Variants in PRKG1 observed in about 807,000 individuals in gnomAD.
PRKG1 encodes cGMP-dependent protein kinase 1.
A neutral mutation model predicts 88.1 loss-of-function variants in PRKG1; 35 were observed. The observed-to-expected ratio is 0.40, with a 90% CI of 0.30 to 0.53. The LOEUF is 0.53. PRKG1 is among the 20% of genes least tolerant of loss of function. The pLI is 0.59. For synonymous variants in PRKG1, 303 were observed against 292.5 expected, an observed-to-expected ratio of 1.04 and a Z score of -0.37; for missense variants, 540 against 839.8, an observed-to-expected ratio of 0.64 and a Z score of 4.41.
intron 9 of PRKG1, among the ~76,000 whole-genome samples, chr10:52,202,120 CT>C (rs780898410): frequency 3.3e-5 from 5 of 151,868 alleles, no homozygotes; most frequent in Non-Finnish European, 5.9e-5. Flanking sequence ...GAATTAGCAT[CT>C]TTGTCTTGTT....
chr10:51,956,139 G>T (rs971796363), intron 5 of PRKG1, among the ~76,000 whole-genome samples: 18 of 152,108 alleles, frequency 1.2e-4, no homozygotes, highest in African/African-American at 4.3e-4. Flanking sequence ...GAACTACAGT[G>T]GCTTCCTGTT....
chr10:51,557,051 C>A (rs576555694), intron 3 of PRKG1, among the ~76,000 whole-genome samples: 1 of 151,954 alleles, frequency 6.6e-6, no homozygotes, highest in Non-Finnish European at 1.5e-5. Flanking sequence ...ATGATACCAC[C>A]CGCTTCTCCC....
intron 1 of PRKG1, among the ~76,000 whole-genome samples, 188 bp from the exon 2 acceptor site, chr10:51,152,976 C>CTTTTTTTTTT (rs1283273580): frequency 3.5e-5 from 4 of 112,696 alleles, no homozygotes; most frequent in Non-Finnish European, 3.6e-5. Context: ...TTCTTAGTGC[C>CTTTTTTTTTT]TTTTTTTTTT....
intron 5 of PRKG1, among the ~76,000 whole-genome samples, chr10:51,975,191 A>T (rs182911904): frequency 6.6e-6 from 1 of 152,266 alleles, no homozygotes; most frequent in African/African-American, 2.4e-5. Flanking sequence ...TTATAGTTAA[A>T]TAGGTTCAGA....
intron 3 of PRKG1, among the ~76,000 whole-genome samples, chr10:51,469,629 A>G (rs1460339493): frequency 6.6e-6 from 1 of 151,888 alleles, no homozygotes; most frequent in African/African-American, 2.4e-5. Context: ...CTAATTCAAC[A>G]AGAAGAAACT....
chr10:51,841,311 G>C lies in PRKG1; in HGVS notation c.698+36621G>C, dbSNP rs1029406121. Among the ~76,000 whole-genome samples the C allele has an allele frequency of 3.3e-5, 5 of 152,170 alleles. No homozygotes were observed. The East Asian group carries it at 7.7e-4, about 24-fold the overall frequency. On this transcript the variant is annotated intron_variant, in intron 4 of 17. Transcript: ENST00000373980. Reference sequence around the variant, plus strand: ...GTTTCAGGACTTCATGGATGAAGAAGACATGGTCTATTTTTTCAAACAGTT... The same window carrying C: ...GTTTCAGGACTTCATGGATGAAGAACACATGGTCTATTTTTTCAAACAGTT...
chr10:51,545,101 C>T (rs547781643), intron 3 of PRKG1, among the ~76,000 whole-genome samples: 1 of 151,768 alleles, frequency 6.6e-6, no homozygotes, highest in East Asian at 1.9e-4. Flanking sequence ...TGCTATCTGC[C>T]CTTGTATGTC....
At chr10:52,198,751 G>A (rs11001157) in intron 9 of PRKG1, among the ~76,000 whole-genome samples, 21 of 151,860 alleles carry the variant, frequency 1.4e-4, no homozygotes, top group East Asian at 5.8e-4. Flanking sequence ...CTGGCATTCC[G>A]TGGTTTGTGG....
At chr10:52,188,126 AC>A (rs1335093218) in intron 9 of PRKG1, among the ~76,000 whole-genome samples, 2 of 151,216 alleles carry the variant, frequency 1.3e-5, no homozygotes, top group Non-Finnish European at 2.9e-5. Flanking sequence ...CATGGTATGT[AC>A]TAGTGTTGCT....
At chr10:52,131,844 A>AAAAAAAAAAAAAAC (rs764532999) in intron 7 of PRKG1, among the ~76,000 whole-genome samples, 1 of 117,252 alleles carries the variant, frequency 8.5e-6, no homozygotes, top group Admixed American at 8.6e-5. Flanking sequence ...AAAAAAAAAA[A>AAAAAAAAAAAAAAC]AAGAGGCCAG....
At chr10:51,066,808 A>G (rs1048405514) in intron 1 of PRKG1, among the ~76,000 whole-genome samples, 13 of 152,088 alleles carry the variant, frequency 8.5e-5, no homozygotes, top group African/African-American at 3.1e-4. Context: ...AATCTCTCCC[A>G]AACATTTTTG....
chr10:51,848,633 CTGTGTG>C (rs35222566), intron 4 of PRKG1, among the ~76,000 whole-genome samples: 309 of 145,180 alleles, frequency 2.1e-3, no homozygotes, highest in South Asian at 6.7e-3. Flanking sequence ...GTGTCTGTAT[CTGTGTG>C]TGTGTGTGTG....
intron 5 of PRKG1, among the ~76,000 whole-genome samples, chr10:51,950,165 C>G (rs1045642047): frequency 6.6e-6 from 1 of 152,176 alleles, no homozygotes; most frequent in East Asian, 1.9e-4. Context: ...TGTCACAATG[C>G]CTTTTATTCA....
chr10:51,216,090 C>A (rs1255626985), intron 2 of PRKG1, among the ~76,000 whole-genome samples: 1 of 152,198 alleles, frequency 6.6e-6, no homozygotes, highest in Non-Finnish European at 1.5e-5. Context: ...TGAGTGCTTG[C>A]AGGACTTGGT....
chr10:51,069,508 G>A (rs963563220), upstream of PRKG1, among the ~76,000 whole-genome samples: 3 of 151,966 alleles, frequency 2.0e-5, no homozygotes, highest in Admixed American at 6.5e-5. Context: ...TTGAATTATT[G>A]TCTAATTTAT....
intron 9 of PRKG1, 108 bp from the exon 10 acceptor site, chr10:52,251,462 T>G: frequency 1.2e-6 from 1 of 815,804 alleles, no homozygotes; most frequent in Non-Finnish European, 2.0e-6. Context: ...AGATGGAATG[T>G]AAGCAGGTAA....
intron 5 of PRKG1, among the ~76,000 whole-genome samples, chr10:52,048,800 TTCTC>T (rs77707037): frequency 0.23 from 35,642 of 151,930 alleles, 4,440 homozygotes; most frequent in South Asian, 0.32. Context: ...TCAATTTTCT[TTCTC>T]TATCTATCCT....
chr10:52,136,275 C>A (rs1004522285), intron 8 of PRKG1, among the ~76,000 whole-genome samples: 4 of 151,788 alleles, frequency 2.6e-5, no homozygotes, highest in African/African-American at 9.7e-5. Context: ...AAATAGTGGG[C>A]AAATGAGGAA....
intron 4 of PRKG1, among the ~76,000 whole-genome samples, chr10:51,902,350 A>C (rs904735134): frequency 2.0e-5 from 3 of 152,068 alleles, no homozygotes; most frequent in African/African-American, 7.2e-5. Flanking sequence ...TCCCGACCTC[A>C]GGTGATCTGC....
Sources: gnomAD v4.1 joint callset for allele counts (sites outside exome capture counted in the v4.1 genomes callset) on GRCh38, gnomAD v4.1.1 for gene constraint, MANE v1.5 for transcripts, NCBI Gene and HGNC (gene_info 2026-07-23, HGNC 2026-07-21) for gene names.